Variants in FHIT observed in about 807,000 individuals in gnomAD.
FHIT encodes fragile histidine triad diadenosine triphosphatase.
Under a neutral mutation model 17.9 loss-of-function variants are expected in FHIT, and 19 were observed. The ratio of observed to expected loss-of-function variants is 1.06; its 90% CI spans 0.74 to 1.56. FHIT has a LOEUF of 1.56. FHIT is among the 40% of genes most tolerant of loss of function. The pLI is 0.00. For synonymous variants in FHIT, 81 were observed against 69.7 expected, an observed-to-expected ratio of 1.16 and a Z score of -0.81; for missense variants, 248 against 189.2, an observed-to-expected ratio of 1.31 and a Z score of -1.82.
intron 3 of FHIT, among the ~76,000 whole-genome samples, chr3:61,034,901 T>C (rs2033169811): frequency 6.6e-6 from 1 of 152,088 alleles, no homozygotes; most frequent in Admixed American, 6.5e-5. Context: ...TCAACACCCA[T>C]CAATGAATCA....
chr3:60,183,991 A>T (rs1702054913), intron 5 of FHIT, among the ~76,000 whole-genome samples: 1 of 88,096 alleles, frequency 1.1e-5, no homozygotes, highest in South Asian at 6.2e-4. Flanking sequence ...ATATTAATTT[A>T]TTTTTCGTTT....
intron 3 of FHIT, among the ~76,000 whole-genome samples, chr3:60,955,611 T>TACATATATATATATATAC (rs1423002899): frequency 5.9e-5 from 1 of 16,926 alleles, no homozygotes; most frequent in African/African-American, 1.2e-4. Flanking sequence ...TATATATATA[T>TACATATATATATATATAC]ATATATATAT....
intron 5 of FHIT, among the ~76,000 whole-genome samples, chr3:60,371,232 T>C (rs1398163906): frequency 2.0e-5 from 3 of 152,240 alleles, no homozygotes; most frequent in Admixed American, 1.3e-4. Flanking sequence ...TATATCTTTA[T>C]TCTCCTGTGT....
chr3:60,495,237 C>A (rs556052653), intron 5 of FHIT, among the ~76,000 whole-genome samples: 4 of 151,682 alleles, frequency 2.6e-5, no homozygotes, highest in Non-Finnish European at 4.4e-5. Flanking sequence ...TGTTGAGCAC[C>A]TTTTCATATG....
intron 3 of FHIT, among the ~76,000 whole-genome samples, chr3:60,968,887 A>C (rs1408553814): frequency 6.6e-6 from 1 of 152,216 alleles, no homozygotes; most frequent in Non-Finnish European, 1.5e-5. Context: ...ACTGATTTTC[A>C]AATAATCAGC....
intron 4 of FHIT, among the ~76,000 whole-genome samples, chr3:60,723,422 C>G (rs2041852374): frequency 6.6e-6 from 1 of 152,184 alleles, no homozygotes; most frequent in South Asian, 2.1e-4. Flanking sequence ...CCTGTTTGTA[C>G]AAACAGTGTG....
At chr3:60,558,048 T>G (rs1181162835) in intron 4 of FHIT, among the ~76,000 whole-genome samples, 4 of 152,094 alleles carry the variant, frequency 2.6e-5, no homozygotes, top group African/African-American at 4.8e-5. Context: ...TGATCTTGTT[T>G]AGAAGACCCC....
At chr3:60,435,414 T>C (rs970390054) in intron 5 of FHIT, among the ~76,000 whole-genome samples, 3 of 148,496 alleles carry the variant, frequency 2.0e-5, no homozygotes, top group Non-Finnish European at 4.5e-5. Flanking sequence ...TATTGGGGAA[T>C]TATATACTTT....
At chr3:59,967,735 G>C (rs1407270510) in intron 7 of FHIT, among the ~76,000 whole-genome samples, 1 of 152,066 alleles carries the variant, frequency 6.6e-6, no homozygotes, top group Non-Finnish European at 1.5e-5. Flanking sequence ...TCCAAAGAAT[G>C]CTACAAAATA....
In FHIT at chr3:61,038,221, C is replaced by T. The variant is rs560967881; in HGVS notation, c.-111+3826G>A. ...TAAAACAGGTTCTGAATAGTGGATG[C>T]TTCCTAATAAACGTAGTAAAGACAC... On this transcript the variant is annotated intron_variant, in intron 3 of 9. Coordinates refer to ENST00000492590, the MANE Select transcript of FHIT (RefSeq NM_002012.4). Among the ~76,000 whole-genome samples the T allele has an allele frequency of 5.3e-5, 8 of 152,320 alleles. No individual in the cohort carries two copies. The South Asian group carries it at 8.3e-4, about 16-fold the overall frequency.
intron 5 of FHIT, among the ~76,000 whole-genome samples, chr3:60,367,098 T>C (rs544334997): frequency 5.3e-5 from 8 of 152,334 alleles, no homozygotes; most frequent in African/African-American, 1.9e-4. Context: ...AACTAATCTA[T>C]AAAATGAGCT....
intron 4 of FHIT, among the ~76,000 whole-genome samples, chr3:60,794,804 A>G (rs760864298): frequency 6.6e-6 from 1 of 152,184 alleles, no homozygotes; most frequent in Middle Eastern, 3.2e-3. Flanking sequence ...TCCATATTAC[A>G]TTGGCTTCAT....
intron 5 of FHIT, among the ~76,000 whole-genome samples, chr3:60,082,952 G>A (rs1439255661): frequency 6.6e-6 from 1 of 152,092 alleles, no homozygotes; most frequent in Non-Finnish European, 1.5e-5. Flanking sequence ...TTCTTTTGCT[G>A]TGCTCAAGCT....
intron 1 of FHIT, among the ~76,000 whole-genome samples, chr3:61,238,748 C>T (rs967423625): frequency 6.6e-6 from 1 of 152,216 alleles, no homozygotes; most frequent in African/African-American, 2.4e-5. Context: ...ATGATTCTAA[C>T]ATATAAAAAT....
intron 7 of FHIT, among the ~76,000 whole-genome samples, chr3:59,981,947 G>A (rs802774): frequency 0.38 from 54,564 of 142,462 alleles, 10,425 homozygotes; most frequent in Admixed American, 0.5. Context: ...CCTTTTTGCT[G>A]CCAGGGTCAG....
chr3:60,451,275 A>G (rs985334093), intron 5 of FHIT, among the ~76,000 whole-genome samples: 1 of 152,136 alleles, frequency 6.6e-6, no homozygotes, highest in Admixed American at 6.6e-5. Flanking sequence ...CTAAGCCACG[A>G]AAACCAACTT....
chr3:60,656,372 G>T (rs1163851639), intron 4 of FHIT, among the ~76,000 whole-genome samples: 1 of 152,106 alleles, frequency 6.6e-6, no homozygotes, highest in Non-Finnish European at 1.5e-5. Context: ...TCTTTTGAAA[G>T]AACTCTATTA....
chr3:59,820,036 T>A (rs1336757612), intron 8 of FHIT, among the ~76,000 whole-genome samples: 1 of 152,228 alleles, frequency 6.6e-6, no homozygotes, highest in Non-Finnish European at 1.5e-5. Flanking sequence ...CGCTGGCACC[T>A]TGATCTTGGA....
intron 5 of FHIT, among the ~76,000 whole-genome samples, chr3:60,332,284 C>G (rs563311011): frequency 2.0e-5 from 3 of 152,322 alleles, no homozygotes; most frequent in Admixed American, 1.3e-4. Flanking sequence ...GGTAGCCTGG[C>G]TGCAGCATCT....
Sources: allele counts gnomAD v4.1 joint callset (sites outside exome capture counted in the v4.1 genomes callset), GRCh38; gene constraint gnomAD v4.1.1; transcripts MANE v1.5; gene names NCBI Gene and HGNC (gene_info 2026-07-23, HGNC 2026-07-21).